The following ANKRD11 variants were observed in gnomAD, a reference collection of about 807,000 sequenced individuals.
ANKRD11 encodes the protein ankyrin repeat domain-containing protein 11.
ANKRD11 carries 17 observed loss-of-function variants against 195.7 expected under a neutral mutation model. That is an observed-to-expected ratio of 0.09 (90% CI 0.06 to 0.13). The LOEUF (loss-of-function observed/expected upper bound fraction) is 0.13, where lower values mean the gene tolerates loss of function less well. Ranked by LOEUF, ANKRD11 falls within the 10% of genes least tolerant of loss-of-function variation. The pLI, the probability that ANKRD11 is intolerant of heterozygous loss-of-function variation, is 1.00. For missense variants in ANKRD11, 3,735 were observed against 3,566.1 expected, an observed-to-expected ratio of 1.05 and a Z score of -1.21; for synonymous variants, 1,953 against 1,528.1, an observed-to-expected ratio of 1.28 and a Z score of -6.49.
At chr16:89,355,129 G>A (rs999128198) in intron 2 of ANKRD11, among the ~76,000 whole-genome samples, 5 of 152,162 alleles carry the variant, frequency 3.3e-5, no homozygotes, top group Admixed American at 6.5e-5. Flanking sequence ...GTGGTCTCCC[G>A]TCTGGCCAAG....
chr16:89,284,750 G>C lies in ANKRD11; in HGVS notation c.1792C>G (p.His598Asp), dbSNP rs780311715. 6.2e-7 allele frequency: 1 copy of C among 1,613,496 alleles called. No individual in the cohort carries two copies. Among genetic ancestry groups the C allele is most frequent in the South Asian group, 1.1e-5 (1 of 91,072 alleles). The change falls in exon 9 of 13, where the codon CAC becomes GAC. Residue 598 changes from histidine to aspartate, a missense_variant. By Grantham distance (81) the His-to-Asp change is moderately conservative. Coordinates refer to ENST00000301030, the MANE Select transcript of ANKRD11 (RefSeq NM_013275.6). ...SLKPVRKRQE[H>D]RKRASLSEKK... is the part of the protein sequence containing the mutation. ...TCCGACAGGGAGGCTCGCTTCCTGT[G>C]CTCCTGCCTCTTCCTCACTGGCTTC...
chr16:89,390,892 A>G (rs1190403007), intron 2 of ANKRD11, among the ~76,000 whole-genome samples: 1 of 152,192 alleles, frequency 6.6e-6, no homozygotes, highest in Non-Finnish European at 1.5e-5. Context: ...ACACTGGTGA[A>G]CATGTAAGTG....
At chr16:89,394,306 C>G (rs1314327344) in intron 2 of ANKRD11, among the ~76,000 whole-genome samples, 1 of 152,212 alleles carries the variant, frequency 6.6e-6, no homozygotes, top group Non-Finnish European at 1.5e-5. Context: ...CCACACTGCT[C>G]TCACTCATCA....
chr16:89,291,469 C>T lies in ANKRD11; in HGVS notation c.227-286G>A, dbSNP rs1022743939. 2.6e-4 allele frequency among the ~76,000 whole-genome samples: 39 copies of T among 152,306 alleles called. No homozygotes were observed. Among genetic ancestry groups the T allele is most frequent in the African/African-American group, 8.7e-4 (36 of 41,566 alleles). On this transcript the variant is annotated intron_variant, in intron 4 of 12. Coordinates refer to ENST00000301030, the MANE Select transcript of ANKRD11 (RefSeq NM_013275.6). The surrounding 1 kb of genome is among the most constrained non-coding windows in gnomAD (Gnocchi z 5.3). ...GCATCCACTCACTCCAGGCACCTCT[C>T]CTGGGCCTCCCCAGACCTCGTACCA...
chr16:89,354,519 TGATAGGGAGG>T (rs1567690800), intron 2 of ANKRD11, among the ~76,000 whole-genome samples: 1 of 152,144 alleles, frequency 6.6e-6, no homozygotes, highest in East Asian at 1.9e-4. Context: ...CACCTGCTCT[TGATAGGGAGG>T]GCACTTCTAG....
chr16:89,282,155 C>T lies in ANKRD11; in HGVS notation c.4387G>A (p.Glu1463Lys), dbSNP rs1179266078. The change falls in exon 9 of 13, where the codon GAG becomes AAG. Residue 1463 changes from glutamate (E) to lysine (K), a missense_variant. Transcript: ENST00000301030. ...TCTCTCCATTTCTCCCTGTGTTTCTCTCTCTTCTTCTTCTCTTTTAGGATG... is the reference window on the plus strand; with the variant it reads ...TCTCTCCATTTCTCCCTGTGTTTCTTTCTCTTCTTCTTCTCTTTTAGGATG... ...INILKEKKKR[E>K]KHREKWRDEK... 5 of 1,613,900 alleles carry T rather than the reference C, an allele frequency of 3.1e-6. No homozygotes were observed. Among genetic ancestry groups the T allele is most frequent in the Non-Finnish European group, 4.2e-6 (5 of 1,180,024 alleles).
chr16:89,381,588 T>TA (rs1445032410), intron 2 of ANKRD11, among the ~76,000 whole-genome samples: 3 of 152,202 alleles, frequency 2.0e-5, no homozygotes, highest in African/African-American at 7.2e-5. Flanking sequence ...CATGCGATGA[T>TA]ACGCTTTCCA....
At chr16:89,354,168 C>T (rs1368713460) in intron 2 of ANKRD11, among the ~76,000 whole-genome samples, 1 of 150,308 alleles carries the variant, frequency 6.7e-6, no homozygotes, top group Non-Finnish European at 1.5e-5. Flanking sequence ...GAAAGTATAC[C>T]TTTACCCATT....
intron 1 of ANKRD11, among the ~76,000 whole-genome samples, chr16:89,465,859 C>T (rs950163451): frequency 5.3e-5 from 8 of 152,142 alleles, no homozygotes; most frequent in Admixed American, 6.6e-5. Flanking sequence ...TGCAGGCGCC[C>T]GCCACCATGC....
chr16:89,280,953 G>A lies in ANKRD11; in HGVS notation c.5589C>T (p.Asp1863=), dbSNP rs559701228. The change falls in exon 9 of 13, where the codon GAC becomes GAT. Residue 1863 remains aspartate (D), a synonymous_variant. Transcript: ENST00000301030. ...CGGCAGCCGGTGGGCAGTGCAAAGC[G>A]TCGACTTTGGGCGACGGGAGGCCAT... is the stretch of plus-strand genomic sequence containing the variant. ...PDYGLPSPKV[D]ALHCPPAAVV... is the part of the protein sequence containing the mutation. 17 of 1,576,974 alleles carry A rather than the reference G, an allele frequency of 1.1e-5. No homozygotes were observed. The highest frequency in any genetic ancestry group is 2.7e-5 in the African/African-American group (2 of 73,854).
At position 89,283,782 on chromosome 16, in the gene ANKRD11, C is replaced by T; in HGVS notation, c.2760G>A (p.Arg920=). ...RDYLDKNSEK[R]KEQTEKHKSV... Reference sequence around the variant, plus strand: ...TTTTATGCTTTTCGGTCTGCTCTTTCCTCTTCTCAGAGTTTTTATCCAAAT... The same window carrying T: ...TTTTATGCTTTTCGGTCTGCTCTTTTCTCTTCTCAGAGTTTTTATCCAAAT... The change falls in exon 9 of 13, where the codon AGG becomes AGA. Residue 920 remains arginine, a synonymous_variant. Transcript: ENST00000301030. This position sits in a 1 kb window ranked among gnomAD's most constrained non-coding sequence, Gnocchi z 4.3. 1 of 1,613,632 alleles carries T rather than the reference C, an allele frequency of 6.2e-7. No homozygotes were observed. Among genetic ancestry groups the T allele is most frequent in the Non-Finnish European group, 8.5e-7 (1 of 1,179,780 alleles).
rs769715466 is a variant in ANKRD11, at chr16:89,286,929, ACT to A, written c.745-745_745-744del. The A allele has an allele frequency of 2.6e-5, 33 of 1,289,500 alleles. No individual in the cohort carries two copies. In the South Asian group the frequency reaches 3.7e-4, roughly 14 times the overall value. The allele number at this position is 1,289,500 out of a possible 1,614,324, so 79.9% of individuals were successfully genotyped here. The stretch of plus-strand genomic sequence containing the variant: ...GAATCTGTCATAACGTTTACTATAG[ACT>A]CTTGTCGCCCACAGAATCAGTTTCC... On this transcript the variant is annotated intron_variant, in intron 7 of 12. Transcript: ENST00000301030.
intron 2 of ANKRD11, among the ~76,000 whole-genome samples, chr16:89,375,239 G>A (rs1046755899): frequency 1.3e-5 from 2 of 152,058 alleles, no homozygotes; most frequent in South Asian, 2.1e-4. Flanking sequence ...GACACTAATC[G>A]TCTCCGCGTG....
chr16:89,416,633 A>G (rs1355713633), intron 2 of ANKRD11, among the ~76,000 whole-genome samples: 2 of 151,554 alleles, frequency 1.3e-5, no homozygotes, highest in African/African-American at 4.8e-5. Flanking sequence ...TTTTCACACT[A>G]GTAAGCAGCA....
intron 1 of ANKRD11, among the ~76,000 whole-genome samples, chr16:89,456,409 G>A (rs1332854449): frequency 3.3e-5 from 5 of 151,866 alleles, no homozygotes; most frequent in African/African-American, 7.3e-5. Context: ...TTAGCCGAGC[G>A]TGGTGGCATG....
In ANKRD11 at chr16:89,398,326, C is replaced by A. The variant is rs36098419; in HGVS notation, c.-60+19958G>T. ...TGACATGAGGGACACTGTGAAACAG[C>A]TGAAGACTACCTGTGACCTCAGCAC... On this transcript the variant is annotated intron_variant, in intron 2 of 12. Coordinates refer to ENST00000301030, the MANE Select transcript of ANKRD11 (RefSeq NM_013275.6). 3.9e-3 allele frequency among the ~76,000 whole-genome samples: 486 copies of A among 124,840 alleles called. 6 individuals carry two copies. The highest frequency in any genetic ancestry group is 0.016 in the African/African-American group (455 of 28,414). 81.9% of individuals were successfully genotyped at this position (124,840 alleles called of 152,430 possible).
chr16:89,401,330 G>T (rs2041677883), intron 2 of ANKRD11, among the ~76,000 whole-genome samples: 1 of 151,974 alleles, frequency 6.6e-6, no homozygotes, highest in Non-Finnish European at 1.5e-5. Context: ...ACCCACCTTG[G>T]CCTCCCAAAG....
At chr16:89,339,070 C>T (rs2038528082) in intron 2 of ANKRD11, among the ~76,000 whole-genome samples, 1 of 152,134 alleles carries the variant, frequency 6.6e-6, no homozygotes, top group African/African-American at 2.4e-5. Flanking sequence ...GGAGGACAGA[C>T]GTCCTGGGTA....
intron 7 of ANKRD11, chr16:89,287,129 AG>A: frequency 7.8e-7 from 1 of 1,289,214 alleles, no homozygotes; most frequent in Non-Finnish European, 1.0e-6. Flanking sequence ...GGCAGAATTC[AG>A]TTTCTTGCAG....
Sources: gnomAD v4.1 joint callset for allele counts (sites outside exome capture counted in the v4.1 genomes callset) on GRCh38, gnomAD v4.1.1 for gene constraint, Gnocchi (gnomAD v3.1) non-coding constraint, MANE v1.5 for transcripts, NCBI Gene and HGNC (gene_info 2026-07-23, HGNC 2026-07-21) for gene names.